The following CPA6 variants were observed in gnomAD, a reference collection of about 807,000 sequenced individuals.
CPA6 encodes the protein carboxypeptidase B.
CPA6 carries 58 observed loss-of-function variants against 63.3 expected under a neutral mutation model. The ratio of observed to expected loss-of-function variants is 0.92; its 90% CI spans 0.74 to 1.14. The LOEUF is 1.14. Ranked by LOEUF, CPA6 falls within the 50% of genes most tolerant of loss-of-function variation. The probability of loss-of-function intolerance (pLI) is 0.00; values close to 1 mark genes in which losing one functional copy is unlikely to be tolerated. For synonymous variants in CPA6, 185 were observed against 179.0 expected, an observed-to-expected ratio of 1.03 and a Z score of -0.27; for missense variants, 565 against 526.6, an observed-to-expected ratio of 1.07 and a Z score of -0.71.
At chr8:67,503,862 G>A (rs1256101003) in intron 6 of CPA6, among the ~76,000 whole-genome samples, 1 of 152,040 alleles carries the variant, frequency 6.6e-6, no homozygotes, top group African/African-American at 2.4e-5. Flanking sequence ...GTTTTAAGCT[G>A]CGCATGCATT....
At chr8:67,506,943 G>T in intron 5 of CPA6, 55 bp from the exon 6 acceptor site, 1 of 1,219,288 alleles carries the variant, frequency 8.2e-7, no homozygotes, top group Non-Finnish European at 1.2e-6. Context: ...TCACTGACCA[G>T]CATAATTTAA....
chr8:67,508,242 A>C (rs4737838), intron 5 of CPA6, among the ~76,000 whole-genome samples: 71,485 of 151,874 alleles, frequency 0.47, 18,841 homozygotes, highest in African/African-American at 0.74. Context: ...TGGGGCAGAT[A>C]TAAAATATTC....
intron 2 of CPA6, among the ~76,000 whole-genome samples, chr8:67,609,022 C>T (rs1814737051): frequency 6.6e-6 from 1 of 152,238 alleles, no homozygotes; most frequent in Non-Finnish European, 1.5e-5. Context: ...GTCCTCCCAT[C>T]CCAATGGGTA....
chr8:67,520,789 T>C (rs1248480133), intron 2 of CPA6, among the ~76,000 whole-genome samples: 1 of 152,258 alleles, frequency 6.6e-6, no homozygotes, highest in Non-Finnish European at 1.5e-5. Flanking sequence ...TTAACAGCAG[T>C]GTCCGTAATT....
At chr8:67,649,419 T>A (rs536246602) in intron 1 of CPA6, among the ~76,000 whole-genome samples, 1 of 152,324 alleles carries the variant, frequency 6.6e-6, no homozygotes, top group African/African-American at 2.4e-5. Flanking sequence ...TAAATTACAA[T>A]GATGCCCAAT....
rs1272818527 is a variant in CPA6, at chr8:67,729,840, GTT to G, written c.116+16172_116+16173del. ...ACTGCCCAAGCAAAACAGCTGTGTT[GTT>G]CTTAATGGCGACAGCAGGTAAAGAA... On this transcript the variant is annotated intron_variant, in intron 1 of 10. Transcript: ENST00000297770. Among the ~76,000 whole-genome samples, 35 of 152,356 alleles carry G rather than the reference GTT, an allele frequency of 2.3e-4. No homozygotes were observed. In the East Asian group the frequency reaches 3.1e-3, roughly 13 times the overall value.
At chr8:67,526,027 C>T (rs1030819646) in intron 2 of CPA6, among the ~76,000 whole-genome samples, 3 of 152,150 alleles carry the variant, frequency 2.0e-5, no homozygotes, top group African/African-American at 7.2e-5. Context: ...ATGCAACCCC[C>T]TTCCCCCTCG....
chr8:67,620,012 G>T (rs978910789), intron 2 of CPA6, among the ~76,000 whole-genome samples: 1 of 152,198 alleles, frequency 6.6e-6, no homozygotes, highest in African/African-American at 2.4e-5. Flanking sequence ...AACAGTGTCC[G>T]CTGGGCTGCC....
chr8:67,544,253 A>T (rs1228000549), intron 2 of CPA6, among the ~76,000 whole-genome samples: 1 of 152,236 alleles, frequency 6.6e-6, no homozygotes, highest in Non-Finnish European at 1.5e-5. Context: ...GGTTACACCT[A>T]CCTAATCCTA....
At chr8:67,589,302 C>G (rs1250987042) in intron 2 of CPA6, among the ~76,000 whole-genome samples, 1 of 152,132 alleles carries the variant, frequency 6.6e-6, no homozygotes, top group Non-Finnish European at 1.5e-5. Flanking sequence ...CATAGCATCC[C>G]TCTTCAAAAG....
intron 2 of CPA6, among the ~76,000 whole-genome samples, chr8:67,549,624 T>C (rs557870970): frequency 1.2e-4 from 19 of 152,360 alleles, no homozygotes; most frequent in African/African-American, 4.6e-4. Context: ...ACCTTTTGAC[T>C]AATGATCTCC....
intron 1 of CPA6, among the ~76,000 whole-genome samples, chr8:67,698,994 C>T (rs1183012005): frequency 1.3e-5 from 2 of 152,172 alleles, no homozygotes; most frequent in Admixed American, 1.3e-4. Flanking sequence ...CAGTGCAATC[C>T]ACTACATAGT....
intron 1 of CPA6, among the ~76,000 whole-genome samples, chr8:67,646,540 C>G (rs79367252): frequency 0.019 from 2,820 of 152,166 alleles, 44 homozygotes; most frequent in South Asian, 0.04. Flanking sequence ...AGGAGAAGAT[C>G]TTGGGAGAGA....
At chr8:67,644,122 A>AT (rs201108627) in intron 1 of CPA6, among the ~76,000 whole-genome samples, 40,012 of 144,240 alleles carry the variant, frequency 0.28, 5,517 homozygotes, top group South Asian at 0.33. Flanking sequence ...TTGCTGTCTT[A>AT]TTTTTTTTTT....
chr8:67,701,871 C>T (rs950136092), intron 1 of CPA6, among the ~76,000 whole-genome samples: 4 of 152,186 alleles, frequency 2.6e-5, no homozygotes, highest in Non-Finnish European at 4.4e-5. Context: ...ACTACAGAGG[C>T]TGAACTCTAA....
intron 8 of CPA6, among the ~76,000 whole-genome samples, chr8:67,455,825 C>T (rs1810665231): frequency 6.6e-6 from 1 of 151,874 alleles, no homozygotes; most frequent in Non-Finnish European, 1.5e-5. Context: ...GGTGATCCTC[C>T]CACCTCAGTC....
chr8:67,487,515 C>T (rs1175868390), intron 6 of CPA6, among the ~76,000 whole-genome samples: 4 of 152,122 alleles, frequency 2.6e-5, no homozygotes, highest in Non-Finnish European at 4.4e-5. Context: ...ATAAACATAA[C>T]GTGTGCATGT....
intron 2 of CPA6, among the ~76,000 whole-genome samples, chr8:67,565,344 C>G (rs1032104152): frequency 6.6e-6 from 1 of 152,028 alleles, no homozygotes; most frequent in Non-Finnish European, 1.5e-5. Context: ...TGACAAGAAA[C>G]GTTCTGTCAG....
chr8:67,562,086 A>G (rs10085934), intron 2 of CPA6, among the ~76,000 whole-genome samples: 77,804 of 151,936 alleles, frequency 0.51, 20,591 homozygotes, highest in Non-Finnish European at 0.59. Context: ...TGATCTCTGG[A>G]AAGTTACAGA....
Sources: allele counts gnomAD v4.1 joint callset (sites outside exome capture counted in the v4.1 genomes callset), GRCh38; gene constraint gnomAD v4.1.1; transcripts MANE v1.5; gene names NCBI Gene and HGNC (gene_info 2026-07-23, HGNC 2026-07-21).